Variants in GIPC2 observed in about 807,000 individuals in gnomAD.
GIPC2 encodes PDZ domain-containing protein GIPC2.
In GIPC2, 30 loss-of-function variants were observed where a neutral mutation model predicts 30.6. The ratio of observed to expected loss-of-function variants is 0.98; its 90% CI spans 0.73 to 1.33. The LOEUF (loss-of-function observed/expected upper bound fraction) is 1.33. Ranked by LOEUF, GIPC2 falls within the 40% of genes most tolerant of loss-of-function variation. The probability of loss-of-function intolerance (pLI) is 0.00; values close to 1 mark genes in which losing one functional copy is unlikely to be tolerated. For missense variants in GIPC2, 414 were observed against 390.3 expected (o/e 1.06, Z -0.51); for synonymous variants, 167 against 150.0 (o/e 1.11, Z -0.83).
In GIPC2 at chr1:78,046,352, C is replaced by G. The variant is rs1159105440; in HGVS notation, c.240+18C>G. 2.5e-6 allele frequency: 4 copies of G among 1,590,434 alleles called. No individual in the cohort carries two copies. The highest frequency in any genetic ancestry group is 1.9e-4 in the Middle Eastern group (1 of 5,360). On this transcript the variant is annotated intron_variant, in intron 1 of 5. Transcript: ENST00000370759. Reference sequence around the variant, plus strand: ...CGTCGGAGGTAAGGCGCCAGGTGCTCAGGCTCTCCCGCCTCTCCGCCGCGC... The same window carrying G: ...CGTCGGAGGTAAGGCGCCAGGTGCTGAGGCTCTCCCGCCTCTCCGCCGCGC...
chr1:78,123,843 A>T (rs1236022462), intron 4 of GIPC2, among the ~76,000 whole-genome samples: 1 of 152,268 alleles, frequency 6.6e-6, no homozygotes, highest in African/African-American at 2.4e-5. Flanking sequence ...GTTAATTTGC[A>T]TAGCCTGTTG....
At chr1:78,061,294 G>A (rs571714357) in intron 1 of GIPC2, among the ~76,000 whole-genome samples, 6 of 152,238 alleles carry the variant, frequency 3.9e-5, no homozygotes, top group African/African-American at 1.4e-4. Flanking sequence ...AAAGAAAAGA[G>A]GAAGCCAATT....
chr1:78,117,936 C>G (rs564336196), intron 3 of GIPC2, among the ~76,000 whole-genome samples: 1 of 152,108 alleles, frequency 6.6e-6, no homozygotes, highest in Non-Finnish European at 1.5e-5. Context: ...TTCTTTCTCT[C>G]TCTCTCTTTT....
intron 1 of GIPC2, among the ~76,000 whole-genome samples, chr1:78,061,582 C>T (rs1375286716): frequency 2.6e-5 from 4 of 151,598 alleles, no homozygotes; most frequent in Admixed American, 1.3e-4. Flanking sequence ...CTCACTGCAA[C>T]CTCTGCTTCC....
At chr1:78,118,208 TTACTG>T (rs1360910755) in intron 3 of GIPC2, among the ~76,000 whole-genome samples, 1 of 148,474 alleles carries the variant, frequency 6.7e-6, no homozygotes, top group East Asian at 2.0e-4. Context: ...AGGCATGAGA[TTACTG>T]TAATCGCTCT....
intron 2 of GIPC2, among the ~76,000 whole-genome samples, chr1:78,090,721 A>T (rs1662021319): frequency 6.6e-6 from 1 of 152,184 alleles, no homozygotes; most frequent in African/African-American, 2.4e-5. Context: ...GAGAAATATG[A>T]TACTTACATA....
At chr1:78,110,803 A>G (rs976215545) in intron 3 of GIPC2, among the ~76,000 whole-genome samples, 8 of 152,172 alleles carry the variant, frequency 5.3e-5, no homozygotes, top group African/African-American at 1.9e-4. Context: ...CACTTTCTCC[A>G]GGAAGTCTCA....
At chr1:78,102,551 A>C (rs571090248) in intron 3 of GIPC2, among the ~76,000 whole-genome samples, 1 of 152,266 alleles carries the variant, frequency 6.6e-6, no homozygotes, top group Non-Finnish European at 1.5e-5. Flanking sequence ...AAAAAGTTAC[A>C]AAAGAGATGA....
chr1:78,126,732 A>C (rs1662790083), intron 5 of GIPC2, among the ~76,000 whole-genome samples: 1 of 152,042 alleles, frequency 6.6e-6, no homozygotes, highest in Non-Finnish European at 1.5e-5. Context: ...TCTCTCCCTC[A>C]TGGGGCCAAA....
chr1:78,121,318 C>T lies in GIPC2; in HGVS notation c.714+1819C>T, dbSNP rs759645738. Among the ~76,000 whole-genome samples the T allele has an allele frequency of 4.6e-5, 7 of 151,952 alleles. No homozygotes were observed. The South Asian group carries it at 6.3e-4, about 14-fold the overall frequency. On this transcript the variant is annotated intron_variant, in intron 4 of 5. Transcript: ENST00000370759. ...AGCAGGTGACTGATGCCTGTGAGCT[C>T]GGGGGGGCAGGGGCAAGGCTCTGGG...
chr1:78,112,745 T>A (rs1209646735), intron 3 of GIPC2, among the ~76,000 whole-genome samples: 2 of 152,244 alleles, frequency 1.3e-5, no homozygotes, highest in Non-Finnish European at 2.9e-5. Flanking sequence ...AGACAGATCC[T>A]TTCTGCCTTT....
At chr1:78,095,558 A>G (rs189057861) in intron 3 of GIPC2, among the ~76,000 whole-genome samples, 237 of 152,326 alleles carry the variant, frequency 1.6e-3, no homozygotes, top group African/African-American at 5.5e-3. Context: ...ATAGTTATCT[A>G]GTCCATTTTA....
chr1:78,047,709 G>C (rs1173358373), intron 1 of GIPC2, among the ~76,000 whole-genome samples: 1 of 152,056 alleles, frequency 6.6e-6, no homozygotes, highest in African/African-American at 2.4e-5. Flanking sequence ...TAGAATATTT[G>C]TCTTGAAGAG....
rs1159267457 is a variant in GIPC2 at position 78,091,570 on chromosome 1, C to G, written c.427-3382C>G. The G allele has an allele frequency of 7.9e-6, 6 of 757,782 alleles. No individual in the cohort carries two copies. In the African/African-American group the frequency reaches 8.5e-5, roughly 11 times the overall value. 46.9% of individuals were successfully genotyped at this position (757,782 alleles called of 1,614,324 possible). ...TCCTGCAGGATTTCAGCGGCAACCT[C>G]TCGGCCAAGTCCTTCGCGATCTTCT... is the stretch of plus-strand genomic sequence containing the variant. On this transcript the variant is annotated intron_variant, in intron 2 of 5. Coordinates refer to ENST00000370759, the MANE Select transcript of GIPC2 (RefSeq NM_017655.6).
In GIPC2 at chr1:78,076,321, TA is replaced by T. The variant is rs572725947; in HGVS notation, c.241-4353del. 3.3e-5 allele frequency among the ~76,000 whole-genome samples: 5 copies of T among 152,314 alleles called. No individual in the cohort carries two copies. In the East Asian group the frequency reaches 9.7e-4, roughly 29 times the overall value. On this transcript the variant is annotated intron_variant, in intron 1 of 5. Coordinates refer to ENST00000370759, the MANE Select transcript of GIPC2 (RefSeq NM_017655.6). The stretch of plus-strand genomic sequence containing the variant: ...TCCATCTTCTGGCCCCAAAGGGCAA[TA>T]GCTTTCTCCTTCAATTAGTCTGTCT...
Position 78,137,775 on chromosome 1 carries a change from T to C in GIPC2, c.*2032T>C, listed in dbSNP as rs1663033265. ...AAACTGATAACAAGGTCAGTTTCTTTATGTCATTTTATTCCCATACCTAAA... is the reference window on the plus strand; with the variant it reads ...AAACTGATAACAAGGTCAGTTTCTTCATGTCATTTTATTCCCATACCTAAA... On this transcript the variant is annotated 3_prime_UTR_variant, in exon 6 of 6. Coordinates refer to ENST00000370759, the MANE Select transcript of GIPC2 (RefSeq NM_017655.6). 1 of 152,224 alleles carries C rather than the reference T, an allele frequency of 6.6e-6. No homozygotes were observed. The highest frequency in any genetic ancestry group is 1.5e-5 in the Non-Finnish European group (1 of 68,030). 9.4% of individuals were successfully genotyped at this position (152,224 alleles called of 1,614,324 possible). A position where few individuals can be genotyped will look rare whatever the true frequency, so the allele number is the denominator to read the frequency against.
chr1:78,074,663 C>G (rs1248389273), intron 1 of GIPC2, among the ~76,000 whole-genome samples: 2 of 152,202 alleles, frequency 1.3e-5, no homozygotes, highest in Non-Finnish European at 2.9e-5. Context: ...GAACTCTTAA[C>G]TCTTAATCCA....
intron 2 of GIPC2, chr1:78,091,806 A>G: frequency 3.9e-6 from 3 of 776,932 alleles, no homozygotes; most frequent in South Asian, 1.3e-5. Context: ...GTGACTAGAA[A>G]ACTTTCTGAA....
At chr1:78,079,633 A>T (rs996455411) in intron 1 of GIPC2, among the ~76,000 whole-genome samples, 11 of 152,222 alleles carry the variant, frequency 7.2e-5, no homozygotes, top group African/African-American at 2.7e-4. Context: ...TGATTTCGGC[A>T]TGAAACAGCC....
Sources: allele counts gnomAD v4.1 joint callset (sites outside exome capture counted in the v4.1 genomes callset), GRCh38; gene constraint gnomAD v4.1.1; transcripts MANE v1.5; gene names NCBI Gene and HGNC (gene_info 2026-07-23, HGNC 2026-07-21).